Variants in TREH observed in about 807,000 individuals in gnomAD.
TREH encodes the protein trehalase, also known as alpha,alpha-trehalose glucohydrolase.
In TREH, 69 loss-of-function variants were observed where a neutral mutation model predicts 80.5. The observed-to-expected ratio is 0.86, with a 90% CI of 0.71 to 1.05. The LOEUF (loss-of-function observed/expected upper bound fraction) is 1.05. TREH is among the 50% of genes least tolerant of loss of function. The probability of loss-of-function intolerance (pLI) is 0.00; values close to 1 mark genes in which losing one functional copy is unlikely to be tolerated. For synonymous variants in TREH, 309 were observed against 293.5 expected (o/e 1.05, Z -0.54); for missense variants, 716 against 718.8 (o/e 1.00, Z 0.04).
intron 1 of TREH, among the ~76,000 whole-genome samples, chr11:118,672,528 G>A (rs1949439222): frequency 6.6e-6 from 1 of 152,032 alleles, no homozygotes; most frequent in Non-Finnish European, 1.5e-5. Context: ...TGGCCAACAT[G>A]GAGAAACCCC....
In TREH at chr11:118,658,322, C is replaced by T. The variant is rs1555143718; in HGVS notation, c.1719G>A (p.Leu573=). Residue 573 remains leucine (L), a synonymous_variant, in exon 15 of 15, where the codon CTG becomes CTA. Transcript: ENST00000264029. ...GCAGGAGGCTGAGCAGGAGGCTGGG[C>T]AGAAGGGTGGCCGCCAGGCAGTGGG... ...LEPHCLAATL[L]PSLLLSLLPW The T allele has an allele frequency of 6.3e-7, 1 of 1,590,984 alleles. No homozygotes were observed. The highest frequency in any genetic ancestry group is 1.3e-5 in the African/African-American group (1 of 74,564).
rs574707283 is a variant in TREH, at chr11:118,660,668, G to A, written c.973C>T (p.Arg325Cys). Residue 325 changes from arginine to cysteine, a missense_variant, in exon 10 of 15, where the codon CGC (arginine) becomes TGC (cysteine). By Grantham distance (180) the Arg-to-Cys change is radical (BLOSUM62 -3). Transcript: ENST00000264029. ...GGGTTTGGGCCTCCAATGAGCCAGCGTGAAGAGAAGTCCCAGCCAGACTCA... is the reference window on the plus strand; with the variant it reads ...GGGTTTGGGCCTCCAATGAGCCAGCATGAAGAGAAGTCCCAGCCAGACTCA... ...GAESGWDFSS[R>C]WLIGGPNPNS... is the part of the protein sequence containing the mutation. 56 of 1,604,214 alleles carry A rather than the reference G, an allele frequency of 3.5e-5. No individual in the cohort carries two copies. Among genetic ancestry groups the A allele is most frequent in the South Asian group, 1.0e-4 (9 of 89,188 alleles).
In TREH at chr11:118,659,475, G is replaced by A. The variant is rs782681922; in HGVS notation, c.1327C>T (p.Arg443Trp). The A allele has an allele frequency of 1.9e-5, 30 of 1,590,850 alleles. No homozygotes were observed. Among genetic ancestry groups the A allele is most frequent in the South Asian group, 1.1e-4 (10 of 87,366 alleles). ...ATCCCATACTGGTAAGTCAGGATCC[G>A]GTTGTCCTAGAAGGTCCCAGACATT... ...DKALKYLEDN[R>W]ILTYQYGIPT... The change falls in exon 12 of 15, where the codon CGG becomes TGG. Residue 443 changes from arginine (R) to tryptophan (W), a missense_variant. Physicochemically the swap from Arg to Trp is moderately radical, Grantham distance 101. Coordinates refer to ENST00000264029, the MANE Select transcript of TREH (RefSeq NM_007180.3).
intron 4 of TREH, 34 bp downstream of exon 4, chr11:118,662,847 G>T (rs974990346): frequency 6.4e-6 from 10 of 1,552,088 alleles, no homozygotes; most frequent in African/African-American, 2.7e-5. Flanking sequence ...CAGTTCCCTT[G>T]GTCAGGCCTT....
chr11:118,659,528 G>C, intron 11 of TREH, 47 bp from the exon 12 acceptor site: 1 of 1,493,390 alleles, frequency 6.7e-7, no homozygotes, highest in Non-Finnish European at 9.0e-7. Flanking sequence ...GGCTGGACTG[G>C]GAGCCAGGAC....
chr11:118,668,901 G>A (rs540836270), intron 1 of TREH, among the ~76,000 whole-genome samples: 70 of 152,196 alleles, frequency 4.6e-4, no homozygotes, highest in Admixed American at 2.7e-3. Flanking sequence ...TCCAGCCTGG[G>A]TGACAGAGCA....
intron 12 of TREH, 38 bp downstream of exon 12, chr11:118,659,332 G>A (rs1400752702): frequency 1.3e-6 from 2 of 1,481,828 alleles, no homozygotes; most frequent in African/African-American, 1.4e-5. Flanking sequence ...TCTACACCCT[G>A]GGAAGGGTCC....
chr11:118,667,209 C>T (rs1591833571), intron 1 of TREH, among the ~76,000 whole-genome samples: 1 of 151,790 alleles, frequency 6.6e-6, no homozygotes, highest in South Asian at 2.1e-4. Flanking sequence ...GACAAGGGTT[C>T]GCTCTATCAC....
rs1949224019 is a variant in TREH, at chr11:118,658,132, G to A, written c.*157C>T. 2.9e-6 allele frequency: 3 copies of A among 1,040,880 alleles called. No homozygotes were observed. In the Admixed American group the frequency reaches 8.4e-5, roughly 29 times the overall value. 64.5% of individuals were successfully genotyped at this position (1,040,880 alleles called of 1,614,324 possible). A position where few individuals can be genotyped will look rare whatever the true frequency, so the allele number is the denominator to read the frequency against. ...TATTCAAGGTTCCAGGAGGGAGCTA[G>A]GCCCCTACCCATGACCTCCAGGTCG... On this transcript the variant is annotated 3_prime_UTR_variant, in exon 15 of 15. Transcript: ENST00000264029.
rs372572549 is a variant in TREH, at chr11:118,661,916, G to T, written c.498C>A (p.Gly166=). ...IYSEHPFIVP[G]GRFVEFYYWD... Reference sequence around the variant, plus strand: ...AGTAGTAGAACTCAACAAAGCGACCGCCAGGCACAATGAAGGGATGTTCTG... The same window carrying T: ...AGTAGTAGAACTCAACAAAGCGACCTCCAGGCACAATGAAGGGATGTTCTG... The change falls in exon 5 of 15, where the codon GGC becomes GGA. Residue 166 remains glycine (G), a synonymous_variant. Coordinates refer to ENST00000264029, the MANE Select transcript of TREH (RefSeq NM_007180.3). The surrounding 1 kb of genome is among the most constrained non-coding windows in gnomAD (Gnocchi z 4.2). 7 of 1,555,944 alleles carry T rather than the reference G, an allele frequency of 4.5e-6. No homozygotes were observed. Among genetic ancestry groups the T allele is most frequent in the Non-Finnish European group, 6.1e-6 (7 of 1,149,508 alleles).
chr11:118,660,945 C>T (rs1555144852), intron 8 of TREH, 30 bp from the exon 9 acceptor site: 11 of 1,563,130 alleles, frequency 7.0e-6, no homozygotes, highest in Non-Finnish European at 9.5e-6. Context: ...GGCAGCCTGG[C>T]ACTAGTAGCT....
Position 118,672,459 on chromosome 11 carries a change from C to T in TREH, c.89+7080G>A, listed in dbSNP as rs540538502. 2.6e-5 allele frequency among the ~76,000 whole-genome samples: 4 copies of T among 151,660 alleles called. No homozygotes were observed. In the East Asian group the frequency reaches 7.8e-4, roughly 29 times the overall value. On this transcript the variant is annotated intron_variant, in intron 1 of 14. Transcript: ENST00000264029. ...GCTCAGTGGCTCATGCCTATAATCCCAGCACTTTGGGAGGCTGAGGCAGGC... is the reference window on the plus strand; with the variant it reads ...GCTCAGTGGCTCATGCCTATAATCCTAGCACTTTGGGAGGCTGAGGCAGGC...
intron 1 of TREH, among the ~76,000 whole-genome samples, chr11:118,676,051 A>G (rs1270142391): frequency 6.6e-6 from 1 of 152,210 alleles, no homozygotes; most frequent in African/African-American, 2.4e-5. Flanking sequence ...GTTTCATGAC[A>G]TACGCATGAT....
chr11:118,667,550 T>A (rs544341579), intron 1 of TREH, among the ~76,000 whole-genome samples: 14 of 152,252 alleles, frequency 9.2e-5, no homozygotes, highest in African/African-American at 3.1e-4. Context: ...CCATGATTTG[T>A]CCAAATTCTC....
At chr11:118,664,496 A>G (rs1441982990) in intron 1 of TREH, among the ~76,000 whole-genome samples, 2 of 152,240 alleles carry the variant, frequency 1.3e-5, no homozygotes, top group African/African-American at 4.8e-5. Flanking sequence ...ATGGAAAGGT[A>G]AGGGGCACAT....
At chr11:118,660,488 CT>C (rs1949307004) in intron 10 of TREH, 50 bp downstream of exon 10, 1 of 1,515,658 alleles carries the variant, frequency 6.6e-7, no homozygotes. Context: ...ATTGCCAAGC[CT>C]GAGCAGGAAA....
chr11:118,664,704 G>A (rs551623134), intron 1 of TREH, among the ~76,000 whole-genome samples: 9 of 152,200 alleles, frequency 5.9e-5, no homozygotes, highest in Admixed American at 1.3e-4. Flanking sequence ...GTTGCATACC[G>A]TCCTCAGAGT....
intron 1 of TREH, among the ~76,000 whole-genome samples, chr11:118,675,796 C>T (rs537369): frequency 0.6 from 48,018 of 80,178 alleles, 8,019 homozygotes; most frequent in Admixed American, 0.66. Context: ...CTCCACCTCC[C>T]AGGTCAATGA....
intron 1 of TREH, among the ~76,000 whole-genome samples, chr11:118,664,830 C>T (rs150645357): frequency 1.8e-4 from 27 of 152,112 alleles, no homozygotes; most frequent in African/African-American, 5.8e-4. Context: ...GTGCTCTGGC[C>T]GGGCACAGTG....
Sources: gnomAD v4.1 joint callset for allele counts (sites outside exome capture counted in the v4.1 genomes callset) on GRCh38, gnomAD v4.1.1 for gene constraint, Gnocchi (gnomAD v3.1) non-coding constraint, MANE v1.5 for transcripts, NCBI Gene and HGNC (gene_info 2026-07-23, HGNC 2026-07-21) for gene names.